PTPRO: variants seen among roughly 807,000 people sequenced by gnomAD.
PTPRO encodes the protein receptor-type tyrosine-protein phosphatase O.
In PTPRO, 62 loss-of-function variants were observed where a neutral mutation model predicts 145.2. The ratio of observed to expected loss-of-function variants is 0.43; its 90% CI spans 0.35 to 0.53. PTPRO has a LOEUF of 0.53. Among genes scored for constraint, PTPRO ranks in the 20% least tolerant of loss-of-function variants. The probability of loss-of-function intolerance (pLI) is 0.01; values close to 1 mark genes in which losing one functional copy is unlikely to be tolerated. For synonymous variants in PTPRO, 565 were observed against 514.7 expected (o/e 1.10, Z -1.32); for missense variants, 1,345 against 1,482.7 (o/e 0.91, Z 1.53).
intron 1 of PTPRO, among the ~76,000 whole-genome samples, chr12:15,417,244 C>T (rs1246405891): frequency 6.6e-6 from 1 of 151,622 alleles, no homozygotes; most frequent in Non-Finnish European, 1.5e-5. Context: ...TCAAAAAATA[C>T]ATTTAATACC....
In PTPRO at chr12:15,503,947, A is replaced by G. The variant is rs1942270467; in HGVS notation, c.1145A>G (p.His382Arg). The G allele has an allele frequency of 6.3e-7, 1 of 1,588,370 alleles. No homozygotes were observed. Among genetic ancestry groups the G allele is most frequent in the Non-Finnish European group, 8.6e-7 (1 of 1,156,916 alleles). Residue 382 changes from histidine to arginine, a missense_variant, in exon 6 of 27, where the codon CAT becomes CGT. By Grantham distance (29) the His-to-Arg change is conservative (BLOSUM62 0). This residue lies in a region of PTPRO where 1,130 missense variants were observed against 1,214.7 expected (regional missense o/e 0.93). Coordinates refer to ENST00000281171, the MANE Select transcript of PTPRO (RefSeq NM_030667.3). ...TATTTGATGGTGGATGAAGAAGCAC[A>G]TGAATTTGTTGCAGAACTGAAGGAA... is the stretch of plus-strand genomic sequence containing the variant. ...TEYLMVDEEA[H>R]EFVAELKEPG...
chr12:15,499,528 A>G lies in PTPRO; in HGVS notation c.595A>G (p.Thr199Ala). Residue 199 changes from threonine to alanine, a missense_variant, in exon 4 of 27, where the codon ACT (threonine) becomes GCT (alanine). This residue lies in a region of PTPRO where 1,130 missense variants were observed against 1,214.7 expected (regional missense o/e 0.93). Transcript: ENST00000281171. ...CACCTTTCAGCTGGTATCTGAGGCA[A>G]CTTTTAATAAAAGTACCCTTGTTGA... is the stretch of plus-strand genomic sequence containing the variant. Reference protein sequence around the residue: ...NITFQLVSEATFNKSTLVEYS... With the variant: ...NITFQLVSEAAFNKSTLVEYS... 6.2e-7 allele frequency: 1 copy of G among 1,613,888 alleles called. No homozygotes were observed. Among genetic ancestry groups the G allele is most frequent in the African/African-American group, 1.3e-5 (1 of 75,048 alleles).
intron 6 of PTPRO, among the ~76,000 whole-genome samples, chr12:15,507,258 C>T (rs897574065): frequency 3.3e-5 from 5 of 151,728 alleles, no homozygotes; most frequent in Admixed American, 6.6e-5. Context: ...ACTAAAAGTA[C>T]GAATATTAGC....
At chr12:15,388,262 A>G (rs1051860827) in intron 1 of PTPRO, among the ~76,000 whole-genome samples, 5 of 152,198 alleles carry the variant, frequency 3.3e-5, no homozygotes, top group South Asian at 2.1e-4. Flanking sequence ...TTACCAAAAA[A>G]AAATCAAGGA....
intron 1 of PTPRO, among the ~76,000 whole-genome samples, chr12:15,461,139 G>T (rs568303512): frequency 6.6e-6 from 1 of 152,040 alleles, no homozygotes; most frequent in Admixed American, 6.6e-5. Context: ...CTAACTGAAG[G>T]TTTCCTCTGC....
At chr12:15,387,291 T>C (rs1939055513) in intron 1 of PTPRO, among the ~76,000 whole-genome samples, 1 of 151,112 alleles carries the variant, frequency 6.6e-6, no homozygotes, top group African/African-American at 2.4e-5. Flanking sequence ...AATTTGGTCT[T>C]TAGCCTTGTC....
intron 2 of PTPRO, among the ~76,000 whole-genome samples, chr12:15,491,961 CA>C (rs148039477): frequency 0.017 from 2,396 of 140,808 alleles, 54 homozygotes; most frequent in African/African-American, 0.054. Context: ...AACAAACAAA[CA>C]AACAAAAACA....
chr12:15,447,738 T>G (rs993211225), intron 1 of PTPRO, among the ~76,000 whole-genome samples: 1 of 115,226 alleles, frequency 8.7e-6, no homozygotes, highest in Non-Finnish European at 1.9e-5. Context: ...TCGATGTGAG[T>G]GGGTTGCATC....
chr12:15,511,139 A>G (rs573600790), intron 7 of PTPRO, among the ~76,000 whole-genome samples: 2 of 152,366 alleles, frequency 1.3e-5, no homozygotes, highest in East Asian at 3.9e-4. Flanking sequence ...GGACTCAACT[A>G]AATTCTCAGG....
chr12:15,446,147 A>G (rs1299550191), intron 1 of PTPRO, among the ~76,000 whole-genome samples: 1 of 152,152 alleles, frequency 6.6e-6, no homozygotes, highest in Admixed American at 6.6e-5. Context: ...GTTCAATTTG[A>G]AAAACAACAA....
At chr12:15,365,165 T>C (rs1309151197) in intron 1 of PTPRO, among the ~76,000 whole-genome samples, 1 of 152,174 alleles carries the variant, frequency 6.6e-6, no homozygotes, top group South Asian at 2.1e-4. Context: ...ACATATCCCC[T>C]GACCATTCAG....
intron 7 of PTPRO, among the ~76,000 whole-genome samples, chr12:15,515,003 G>A (rs1942546440): frequency 6.6e-6 from 1 of 151,732 alleles, no homozygotes; most frequent in Admixed American, 6.6e-5. Context: ...GACTTCAAAT[G>A]ATCTGCCTGC....
rs138748951 is a variant in PTPRO at position 15,420,073 on chromosome 12, G to C, written c.76-63901G>C. Among the ~76,000 whole-genome samples, 300 of 150,010 alleles carry C rather than the reference G, an allele frequency of 2.0e-3. 10 individuals carry two copies. The East Asian group carries it at 0.042, about 21-fold the overall frequency. ...GAGGCAGGAGAACGGTGTGAAACCGGGAGGCGGAGCTTGCAGTGAGCGGAG... is the reference window on the plus strand; with the variant it reads ...GAGGCAGGAGAACGGTGTGAAACCGCGAGGCGGAGCTTGCAGTGAGCGGAG... On this transcript the variant is annotated intron_variant, in intron 1 of 26. Transcript: ENST00000281171.
At chr12:15,355,789 A>G (rs1937968322) in intron 1 of PTPRO, among the ~76,000 whole-genome samples, 1 of 152,240 alleles carries the variant, frequency 6.6e-6, no homozygotes, top group African/African-American at 2.4e-5. Flanking sequence ...TAAAGTTTTT[A>G]TGGCTATTTC....
Position 15,520,192 on chromosome 12 carries a change from C to G in PTPRO, c.1780-9C>G, listed in dbSNP as rs778367161. On this transcript the variant is annotated splice_polypyrimidine_tract_variant and intron_variant, in intron 9 of 26. Coordinates refer to ENST00000281171, the MANE Select transcript of PTPRO (RefSeq NM_030667.3). ...GTCTTTTGTCTCCTTGCTTGCTTTT[C>G]TCATTCAGAGAATAGCTAATCTGCT... The G allele has an allele frequency of 6.2e-6, 10 of 1,603,190 alleles. No homozygotes were observed. The Admixed American group carries it at 8.3e-5, about 13-fold the overall frequency.
rs568941716 is a variant in PTPRO at position 15,582,324 on chromosome 12, C to T, written c.3255+523C>T. Among the ~76,000 whole-genome samples, 112 of 152,290 alleles carry T rather than the reference C, an allele frequency of 7.4e-4. 1 individual carries two copies. The highest frequency in any genetic ancestry group is 2.6e-3 in the African/African-American group (107 of 41,558). ...GCCAGTTTATGGCCAGATTTGGGGGCCTGTTCCCAACAGACACCTACACCA... is the reference window on the plus strand; with the variant it reads ...GCCAGTTTATGGCCAGATTTGGGGGTCTGTTCCCAACAGACACCTACACCA... On this transcript the variant is annotated intron_variant, in intron 23 of 26. Coordinates refer to ENST00000281171, the MANE Select transcript of PTPRO (RefSeq NM_030667.3).
At chr12:15,370,526 T>C (rs1251591624) in intron 1 of PTPRO, among the ~76,000 whole-genome samples, 2 of 152,180 alleles carry the variant, frequency 1.3e-5, no homozygotes, top group African/African-American at 4.8e-5. Flanking sequence ...AGAATTTTAA[T>C]CTCCTGTATG....
chr12:15,342,094 C>T (rs1227395247), intron 1 of PTPRO, among the ~76,000 whole-genome samples: 1 of 152,090 alleles, frequency 6.6e-6, no homozygotes, highest in Admixed American at 6.5e-5. Flanking sequence ...TAGTGTGTTT[C>T]GTGGAAGCCT....
rs1938166667 is a variant in PTPRO at position 15,360,863 on chromosome 12, T to TACACAC, written c.75+38063_75+38064insCACACA. ...ACGTGTGTATATATGTGTGTGTATATATGTGTGTATATACACACATACACA... is the reference window on the plus strand; with the variant it reads ...ACGTGTGTATATATGTGTGTGTATATACACACATGTGTGTATATACACACATACACA... On this transcript the variant is annotated intron_variant, in intron 1 of 26. Transcript: ENST00000281171. Among the ~76,000 whole-genome samples, 43 of 102,618 alleles carry TACACAC rather than the reference T, an allele frequency of 4.2e-4. 2 individuals are homozygous for TACACAC. The highest frequency in any genetic ancestry group is 1.4e-3 in the African/African-American group (41 of 30,178). The allele number at this position is 102,618 out of a possible 152,430, so 67.3% of individuals were successfully genotyped here. A position where few individuals can be genotyped will look rare whatever the true frequency, so the allele number is the denominator to read the frequency against.
Sources: allele counts gnomAD v4.1 joint callset (sites outside exome capture counted in the v4.1 genomes callset), GRCh38; gene constraint gnomAD v4.1.1; regional missense constraint gnomAD v4.1.1; transcripts MANE v1.5; gene names NCBI Gene and HGNC (gene_info 2026-07-23, HGNC 2026-07-21).